SPAM1: variants seen among roughly 807,000 people sequenced by gnomAD.
SPAM1 encodes hyaluronidase PH-20.
In SPAM1, 22 loss-of-function variants were observed where a neutral mutation model predicts 29.6. That is an observed-to-expected ratio of 0.74 (90% CI 0.53 to 1.06). The LOEUF (loss-of-function observed/expected upper bound fraction) is 1.06, where lower values mean the gene tolerates loss of function less well. Among genes scored for constraint, SPAM1 ranks in the 50% least tolerant of loss-of-function variants. The probability of loss-of-function intolerance (pLI) is 0.00; values close to 1 mark genes in which losing one functional copy is unlikely to be tolerated. For missense variants in SPAM1, 534 were observed against 604.0 expected (o/e 0.88, Z 1.21); for synonymous variants, 194 against 204.6 (o/e 0.95, Z 0.44).
At chr7:123,946,305 G>T (rs561384560) in intron 1 of SPAM1, among the ~76,000 whole-genome samples, 1 of 152,250 alleles carries the variant, frequency 6.6e-6, no homozygotes, top group African/African-American at 2.4e-5. Flanking sequence ...GGGATTCTCT[G>T]GAGGGAGGGA....
intron 5 of SPAM1, chr7:123,970,150 T>C (rs754966785): frequency 3.2e-6 from 5 of 1,542,970 alleles, no homozygotes; most frequent in Non-Finnish European, 4.4e-6. Flanking sequence ...TGCCACAGAC[T>C]AGGTGGCTTA....
chr7:123,957,905 C>T (rs888507645), intron 4 of SPAM1, among the ~76,000 whole-genome samples: 1 of 151,958 alleles, frequency 6.6e-6, no homozygotes, highest in Admixed American at 6.6e-5. Context: ...CTTTGAATCT[C>T]TCCTTCCTTC....
In SPAM1 at chr7:123,959,858, G is replaced by A. The variant is rs747951663; in HGVS notation, c.1419G>A (p.Met473Ile). 1.2e-5 allele frequency: 19 copies of A among 1,612,896 alleles called. No individual in the cohort carries two copies. The highest frequency in any genetic ancestry group is 1.6e-5 in the Non-Finnish European group (19 of 1,179,464). ...VCIDAFLKPP[M>I]ETEEPQIFYN... The stretch of plus-strand genomic sequence containing the variant: ...TAGATGCTTTTCTAAAACCTCCCAT[G>A]GAGACAGAAGAACCTCAAATTTTCT... The change falls in exon 5 of 5, where the codon ATG becomes ATA. Residue 473 changes from methionine (M) to isoleucine (I), a missense_variant. Physicochemically the swap from Met to Ile is conservative, Grantham distance 10 (BLOSUM62 1). Transcript: ENST00000682466.
intron 1 of SPAM1, among the ~76,000 whole-genome samples, chr7:123,928,577 CA>C (rs1167593379): frequency 6.6e-6 from 1 of 152,142 alleles, no homozygotes; most frequent in Admixed American, 6.6e-5. Context: ...GGAATTCCAA[CA>C]GCTGAATAGA....
intron 5 of SPAM1, among the ~76,000 whole-genome samples, chr7:123,965,764 AG>A (rs1361746062): frequency 6.6e-6 from 1 of 152,050 alleles, no homozygotes; most frequent in African/African-American, 2.4e-5. Flanking sequence ...CTTTTTGTTT[AG>A]GATTGTCTTG....
At chr7:123,969,446 T>C (rs1792469128) in intron 5 of SPAM1, among the ~76,000 whole-genome samples, 1 of 152,172 alleles carries the variant, frequency 6.6e-6, no homozygotes, top group East Asian at 1.9e-4. Context: ...CTTTAATATA[T>C]CTTGAGTTGA....
At chr7:123,929,596 T>C (rs28548795) in intron 1 of SPAM1, among the ~76,000 whole-genome samples, 85,388 of 151,902 alleles carry the variant, frequency 0.56, 24,406 homozygotes, top group African/African-American at 0.66. Flanking sequence ...AGATCTGCTG[T>C]TGTCCAGAGG....
At chr7:123,930,974 G>A (rs1808061484) in intron 1 of SPAM1, among the ~76,000 whole-genome samples, 1 of 152,090 alleles carries the variant, frequency 6.6e-6, no homozygotes, top group African/African-American at 2.4e-5. Flanking sequence ...GCCACTCCTG[G>A]ATTCTTACAC....
rs1792160610 is a variant in SPAM1, at chr7:123,953,366, T to A, written c.-205T>A. ...ATGTATTCTGTATTTCTTTTTCAGT[T>A]ATAGGTGATGCAACTTGAAAAACAA... On this transcript the variant is annotated splice_region_variant and 5_prime_UTR_variant, in exon 3 of 5. Coordinates refer to ENST00000682466, the MANE Select transcript of SPAM1 (RefSeq NM_153189.3). The A allele has an allele frequency of 6.4e-6, 3 of 466,454 alleles. No homozygotes were observed. The highest frequency in any genetic ancestry group is 7.5e-6 in the Non-Finnish European group (2 of 268,304). The allele number at this position is 466,454 out of a possible 1,614,324, so 28.9% of individuals were successfully genotyped here.
intron 1 of SPAM1, among the ~76,000 whole-genome samples, chr7:123,940,655 AC>A (rs1563024160): frequency 6.6e-6 from 1 of 151,962 alleles, no homozygotes; most frequent in Non-Finnish European, 1.5e-5. Context: ...TGCCCAGCTA[AC>A]TTTTTTATTT....
chr7:123,930,371 C>T (rs1009731614), intron 1 of SPAM1, among the ~76,000 whole-genome samples: 2 of 152,128 alleles, frequency 1.3e-5, no homozygotes, highest in Non-Finnish European at 2.9e-5. Flanking sequence ...CTGGAGGTAA[C>T]TTTCCAGGCT....
intron 1 of SPAM1, among the ~76,000 whole-genome samples, chr7:123,944,171 G>A (rs1467091290): frequency 1.3e-5 from 2 of 151,978 alleles, no homozygotes; most frequent in African/African-American, 2.4e-5. Flanking sequence ...TAGTCCCTGG[G>A]CCTTGAATTG....
chr7:123,950,975 A>G (rs535024222), intron 2 of SPAM1, among the ~76,000 whole-genome samples: 1 of 152,274 alleles, frequency 6.6e-6, no homozygotes, highest in South Asian at 2.1e-4. Flanking sequence ...ATGATATCTC[A>G]TTGCAGTTTA....
chr7:123,942,770 T>C (rs776819951), intron 1 of SPAM1, among the ~76,000 whole-genome samples: 16 of 152,148 alleles, frequency 1.1e-4, no homozygotes, highest in Non-Finnish European at 2.1e-4. Flanking sequence ...AGACAAGATA[T>C]AAGATCAGCT....
chr7:123,932,879 T>G (rs1584947161), intron 1 of SPAM1, among the ~76,000 whole-genome samples: 1 of 151,976 alleles, frequency 6.6e-6, no homozygotes. Context: ...ACCTCTGGAG[T>G]GCGCAGGGTG....
At chr7:123,926,685 C>T (rs899152367) in intron 1 of SPAM1, among the ~76,000 whole-genome samples, 10 of 152,018 alleles carry the variant, frequency 6.6e-5, no homozygotes, top group African/African-American at 1.4e-4. Flanking sequence ...TTTAGAAAGG[C>T]GGGACAACTC....
At chr7:123,968,480 A>C (rs563235162) in intron 5 of SPAM1, among the ~76,000 whole-genome samples, 7 of 152,006 alleles carry the variant, frequency 4.6e-5, no homozygotes, top group Non-Finnish European at 1.0e-4. Flanking sequence ...TCTGACACTA[A>C]GTTCCTTGTT....
chr7:123,959,396 G>A (rs1009051727), intron 4 of SPAM1, 88 bp from the exon 5 acceptor site: 2 of 869,166 alleles, frequency 2.3e-6, no homozygotes, highest in Non-Finnish European at 3.5e-6. Flanking sequence ...TCATTCTTCT[G>A]TAAAAAAATT....
chr7:123,969,443 A>G (rs1792469103), intron 5 of SPAM1, among the ~76,000 whole-genome samples: 1 of 151,918 alleles, frequency 6.6e-6, no homozygotes, highest in South Asian at 2.1e-4. Flanking sequence ...AGTCTTTAAT[A>G]TATCTTGAGT....
Sources: allele counts gnomAD v4.1 joint callset (sites outside exome capture counted in the v4.1 genomes callset), GRCh38; gene constraint gnomAD v4.1.1; transcripts MANE v1.5; gene names NCBI Gene and HGNC (gene_info 2026-07-23, HGNC 2026-07-21).